NFATC2: variants seen among roughly 807,000 people sequenced by gnomAD.
NFATC2 encodes the protein nuclear factor of activated T-cells, cytoplasmic 2.
NFATC2 carries 22 observed loss-of-function variants against 87.3 expected under a neutral mutation model. That is an observed-to-expected ratio of 0.25 (90% CI 0.18 to 0.36). The LOEUF is 0.36. Among genes scored for constraint, NFATC2 ranks in the 10% least tolerant of loss-of-function variants. The pLI is 1.00. For synonymous variants in NFATC2, 565 were observed against 542.2 expected (o/e 1.04, Z -0.58); for missense variants, 1,149 against 1,259.1 (o/e 0.91, Z 1.32).
intron 3 of NFATC2, among the ~76,000 whole-genome samples, chr20:51,482,175 A>T (rs1989317986): frequency 6.7e-6 from 1 of 150,026 alleles, no homozygotes; most frequent in African/African-American, 2.5e-5. Flanking sequence ...CCACCCCACC[A>T]GCTCAGCAAT....
intron 3 of NFATC2, among the ~76,000 whole-genome samples, chr20:51,492,452 C>T (rs930883585): frequency 1.3e-5 from 2 of 152,248 alleles, no homozygotes; most frequent in African/African-American, 4.8e-5. Context: ...GTCATCCTTT[C>T]GCTGAAAAGT....
intron 1 of NFATC2, among the ~76,000 whole-genome samples, chr20:51,555,327 C>T (rs1221754925): frequency 6.6e-6 from 1 of 152,156 alleles, no homozygotes; most frequent in Admixed American, 6.5e-5. Flanking sequence ...GGTGCGGTGG[C>T]TCATGCCTGT....
intron 6 of NFATC2, among the ~76,000 whole-genome samples, chr20:51,444,142 C>T (rs1013076386): frequency 6.6e-6 from 1 of 151,954 alleles, no homozygotes; most frequent in African/African-American, 2.4e-5. Flanking sequence ...CCACCACGGC[C>T]GGCTAATTTT....
intron 3 of NFATC2, among the ~76,000 whole-genome samples, chr20:51,491,871 T>TACAC (rs1472795857): frequency 4.4e-4 from 38 of 86,360 alleles, no homozygotes; most frequent in South Asian, 1.3e-3. Flanking sequence ...AACACACACA[T>TACAC]ACACATACAC....
At chr20:51,561,476 A>AAAGAAAGAAAGAAAGG (rs2077028639) in intron 1 of NFATC2, among the ~76,000 whole-genome samples, 1 of 132,030 alleles carries the variant, frequency 7.6e-6, no homozygotes, top group Non-Finnish European at 1.6e-5. Context: ...AGAAAGAAAG[A>AAAGAAAGAAAGAAAGG]AAGAAAGAAA....
intron 9 of NFATC2, among the ~76,000 whole-genome samples, chr20:51,399,787 A>T (rs1715374217): frequency 6.6e-6 from 1 of 152,200 alleles, no homozygotes; most frequent in African/African-American, 2.4e-5. Context: ...CCCAGTCTCC[A>T]CTTGAAACTG....
intron 7 of NFATC2, among the ~76,000 whole-genome samples, 160 bp from the exon 8 acceptor site, chr20:51,435,474 C>T (rs1196632654): frequency 2.0e-5 from 3 of 152,036 alleles, no homozygotes; most frequent in African/African-American, 7.2e-5. Context: ...AACTTGTCAG[C>T]GGCAGCAAAA....
chr20:51,519,683 A>G (rs924288048), intron 2 of NFATC2, among the ~76,000 whole-genome samples: 6 of 149,416 alleles, frequency 4.0e-5, no homozygotes, highest in Admixed American at 1.3e-4. Flanking sequence ...TGGGAGGCCA[A>G]TGCAGGCAGA....
chr20:51,528,687 C>T (rs940083016), intron 1 of NFATC2, among the ~76,000 whole-genome samples: 5 of 152,164 alleles, frequency 3.3e-5, no homozygotes, highest in African/African-American at 9.7e-5. Context: ...ATAAATGTAA[C>T]TCCCAAAAGA....
chr20:51,402,629 A>C lies in NFATC2; in HGVS notation c.2723-3899T>G, dbSNP rs1263129587. Among the ~76,000 whole-genome samples the C allele has an allele frequency of 3.3e-5, 5 of 152,120 alleles. No homozygotes were observed. In the East Asian group the frequency reaches 5.8e-4, roughly 18 times the overall value. Reference sequence around the variant, plus strand: ...GTTTTGGGGAAGACATATACCATAAACCCCCTCTGGGGGTTAGAGGAATTA... The same window carrying C: ...GTTTTGGGGAAGACATATACCATAACCCCCCTCTGGGGGTTAGAGGAATTA... On this transcript the variant is annotated intron_variant, in intron 9 of 10. Transcript: ENST00000371564.
chr20:51,395,938 A>G (rs1987015557), intron 10 of NFATC2, among the ~76,000 whole-genome samples: 1 of 151,402 alleles, frequency 6.6e-6, no homozygotes, highest in Non-Finnish European at 1.5e-5. Flanking sequence ...CATAGACAGT[A>G]CGCAAATGGG....
intron 5 of NFATC2, among the ~76,000 whole-genome samples, 161 bp downstream of exon 5, chr20:51,473,819 G>C (rs1434103420): frequency 6.6e-6 from 1 of 152,196 alleles, no homozygotes; most frequent in African/African-American, 2.4e-5. Flanking sequence ...AATGTGCTCT[G>C]TCTCTGTCCC....
rs1988751939 is a variant in NFATC2, at chr20:51,476,746, G to GTT, written c.1333-1087_1333-1086insAA. On this transcript the variant is annotated intron_variant, in intron 3 of 10. Transcript: ENST00000371564. Reference sequence around the variant, plus strand: ...AGTGAATTAATAAGGCTATCCAACAGAAAAAAAGTGAGTAAGATATTTGAA... The same window carrying GTT: ...AGTGAATTAATAAGGCTATCCAACAGTTAAAAAAAGTGAGTAAGATATTTGAA... Among the ~76,000 whole-genome samples, 7 of 152,142 alleles carry GTT rather than the reference G, an allele frequency of 4.6e-5. 1 individual carries two copies. The highest frequency in any genetic ancestry group is 1.2e-4 in the African/African-American group (5 of 41,524).
At chr20:51,529,463 G>A (rs2076598497) in intron 1 of NFATC2, among the ~76,000 whole-genome samples, 1 of 152,012 alleles carries the variant, frequency 6.6e-6, no homozygotes, top group African/African-American at 2.4e-5. Flanking sequence ...GTATTTGACA[G>A]TAAATTTCAC....
Position 51,523,124 on chromosome 20 carries a change from G to A in NFATC2, c.1117C>T (p.Pro373Ser), listed in dbSNP as rs1319839783. ...SAPESILLVP[P>S]TWPKPLVPAI... Reference sequence around the variant, plus strand: ...GGCACCAGCGGCTTGGGCCAAGTGGGCGGAACCAGCAGGATGGATTCTGGA... The same window carrying A: ...GGCACCAGCGGCTTGGGCCAAGTGGACGGAACCAGCAGGATGGATTCTGGA... Residue 373 changes from proline to serine, a missense_variant, in exon 2 of 11, where the codon CCC becomes TCC. Pro to Ser is a moderately conservative substitution (Grantham distance 74). This residue lies in a region of NFATC2 where 563 missense variants were observed against 585.2 expected (regional missense o/e 0.96). Transcript: ENST00000371564. The surrounding 1 kb of genome is among the most constrained non-coding windows in gnomAD (Gnocchi z 6.9). 2 of 1,614,230 alleles carry A rather than the reference G, an allele frequency of 1.2e-6. No homozygotes were observed. Among genetic ancestry groups the A allele is most frequent in the Non-Finnish European group, 1.7e-6 (2 of 1,180,040 alleles).
chr20:51,472,924 TC>T (rs1988367298), intron 5 of NFATC2, among the ~76,000 whole-genome samples: 1 of 152,180 alleles, frequency 6.6e-6, no homozygotes, highest in African/African-American at 2.4e-5. Flanking sequence ...CCTTGCCTCT[TC>T]TTCATGCTTT....
chr20:51,515,225 G>A (rs940418108), intron 3 of NFATC2, among the ~76,000 whole-genome samples: 2 of 152,180 alleles, frequency 1.3e-5, no homozygotes, highest in Non-Finnish European at 2.9e-5. Context: ...GAGATGGTGC[G>A]AGGTTTACCA....
intron 6 of NFATC2, among the ~76,000 whole-genome samples, chr20:51,445,745 C>T (rs531658047): frequency 7.0e-4 from 107 of 152,342 alleles, no homozygotes; most frequent in South Asian, 4.6e-3. Flanking sequence ...AGGGACCTCA[C>T]CTGCCATGTG....
chr20:51,426,349 G>T (rs903853842), intron 9 of NFATC2, among the ~76,000 whole-genome samples: 1 of 152,088 alleles, frequency 6.6e-6, no homozygotes. Flanking sequence ...GTGCTGGCAG[G>T]CACCTGTAGT....
Sources: gnomAD v4.1 joint callset for allele counts (sites outside exome capture counted in the v4.1 genomes callset) on GRCh38, gnomAD v4.1.1 for gene constraint, gnomAD v4.1.1 regional missense constraint, Gnocchi (gnomAD v3.1) non-coding constraint, MANE v1.5 for transcripts, NCBI Gene and HGNC (gene_info 2026-07-23, HGNC 2026-07-21) for gene names.